The following ZBTB37 variants were observed in gnomAD, a reference collection of about 807,000 sequenced individuals.
The protein encoded by ZBTB37 is zinc finger and BTB domain containing 37.
Under a neutral mutation model 37.7 loss-of-function variants are expected in ZBTB37, and 15 were observed. That is an observed-to-expected ratio of 0.40 (90% CI 0.27 to 0.61). The LOEUF (loss-of-function observed/expected upper bound fraction) is 0.61, where lower values mean the gene tolerates loss of function less well. Among genes scored for constraint, ZBTB37 ranks in the 20% least tolerant of loss-of-function variants. The pLI is 0.44. For missense variants in ZBTB37, 514 were observed against 641.9 expected, an observed-to-expected ratio of 0.80 and a Z score of 2.15; for synonymous variants, 231 against 220.6, an observed-to-expected ratio of 1.05 and a Z score of -0.42.
At chr1:173,876,892 T>C (rs549744862) in intron 4 of ZBTB37, among the ~76,000 whole-genome samples, 59 of 152,280 alleles carry the variant, frequency 3.9e-4, no homozygotes, top group Non-Finnish European at 7.4e-4. Flanking sequence ...TGTGCAAATA[T>C]AGAGTATATT....
At chr1:173,901,739 A>C (rs1657268442) in exon 4 of ZBTB37, 1 of 152,198 alleles carries the variant, frequency 6.6e-6, no homozygotes. Context: ...ACATTGGAAG[A>C]ACATTTAGGT....
exon 4 of ZBTB37, chr1:173,902,174 G>A (rs757803359): frequency 2.0e-5 from 3 of 152,352 alleles, no homozygotes; most frequent in East Asian, 3.9e-4. Flanking sequence ...TGATGGTAGC[G>A]ATCAAATAAA....
intron 4 of ZBTB37, among the ~76,000 whole-genome samples, chr1:173,882,765 A>G (rs1333789700): frequency 6.6e-6 from 1 of 152,200 alleles, no homozygotes; most frequent in East Asian, 1.9e-4. Flanking sequence ...ATAAGGTGTA[A>G]GGAAGGGATC....
downstream of ZBTB37, chr1:173,891,112 A>G (rs953503601): frequency 6.6e-6 from 1 of 152,168 alleles, no homozygotes; most frequent in African/African-American, 2.4e-5. Flanking sequence ...CTTTAAAAGC[A>G]TTTAGAATTG....
chr1:173,881,325 G>A (rs1247804002), intron 4 of ZBTB37, among the ~76,000 whole-genome samples: 2 of 152,176 alleles, frequency 1.3e-5, no homozygotes, highest in African/African-American at 2.4e-5. Flanking sequence ...TGGTGTATAT[G>A]TGCCACATTT....
chr1:173,890,462 C>G (rs1281985775), downstream of ZBTB37: 3 of 151,962 alleles, frequency 2.0e-5, no homozygotes, highest in Non-Finnish European at 2.9e-5. Flanking sequence ...ATGTCCTTCC[C>G]CTTATCTGTG....
chr1:173,878,192 T>C (rs1656090804), intron 4 of ZBTB37, among the ~76,000 whole-genome samples: 1 of 152,250 alleles, frequency 6.6e-6, no homozygotes, highest in Non-Finnish European at 1.5e-5. Context: ...CAGTCCTCTT[T>C]GATTTTTCCT....
Position 173,895,811 on chromosome 1 carries a change from A to G in ZBTB37, c.*9687A>G, listed in dbSNP as rs1389480056. On this transcript the variant is annotated 3_prime_UTR_variant, in exon 4 of 4. Coordinates refer to the ZBTB37 transcript ENST00000367701. ...AGATGTGTCAGATTTAGGATGCCTT[A>G]TTTAAACTCGTGCTGTCTTACTAGA... 2.6e-5 allele frequency: 4 copies of G among 152,190 alleles called. No individual in the cohort carries two copies. The East Asian group carries it at 7.7e-4, about 29-fold the overall frequency. The allele number at this position is 152,190 out of a possible 1,614,324, so 9.4% of individuals were successfully genotyped here.
chr1:173,868,179 A>C (rs1655112952), upstream of ZBTB37: 1 of 156,388 alleles, frequency 6.4e-6, no homozygotes, highest in African/African-American at 2.4e-5. Flanking sequence ...GGGCAGAGAC[A>C]TGACCGTCCA....
intron 4 of ZBTB37, among the ~76,000 whole-genome samples, chr1:173,873,848 A>T (rs1433282703): frequency 6.6e-6 from 1 of 152,248 alleles, no homozygotes; most frequent in Non-Finnish European, 1.5e-5. Flanking sequence ...TTAACATTTT[A>T]AAATTAATCA....
chr1:173,874,932 G>T (rs146265956), intron 4 of ZBTB37, among the ~76,000 whole-genome samples: 1 of 151,806 alleles, frequency 6.6e-6, no homozygotes, highest in African/African-American at 2.4e-5. Flanking sequence ...GCTTGTGGGC[G>T]TGCAGGAAAA....
downstream of ZBTB37, chr1:173,887,248 T>C (rs1038809293): frequency 1.3e-5 from 2 of 152,230 alleles, no homozygotes; most frequent in Non-Finnish European, 2.9e-5. Flanking sequence ...CTTATACATA[T>C]GTAATAGTTT....
At chr1:173,901,388 TA>T (rs1369609669) in exon 4 of ZBTB37, 2 of 151,232 alleles carry the variant, frequency 1.3e-5, no homozygotes, top group East Asian at 3.9e-4. Flanking sequence ...TAAGAAATCT[TA>T]AAGTTAGAAC....
chr1:173,874,298 C>G (rs1321949581), intron 4 of ZBTB37, among the ~76,000 whole-genome samples: 1 of 150,068 alleles, frequency 6.7e-6, no homozygotes, highest in East Asian at 2.0e-4. Flanking sequence ...CTTTCTTAAT[C>G]TGATTGAAAG....
chr1:173,876,735 G>C (rs1655991474), intron 4 of ZBTB37, among the ~76,000 whole-genome samples: 1 of 152,156 alleles, frequency 6.6e-6, no homozygotes, highest in Non-Finnish European at 1.5e-5. Flanking sequence ...TTGGAGGAAA[G>C]GTAATTTGGC....
chr1:173,893,645 G>A (rs1656937306), exon 4 of ZBTB37: 1 of 152,174 alleles, frequency 6.6e-6, no homozygotes. Flanking sequence ...AATACTATGA[G>A]GTAATAACAG....
intron 4 of ZBTB37, 78 bp downstream of exon 4, chr1:173,873,644 GA>G: frequency 1.3e-6 from 2 of 1,583,288 alleles, no homozygotes; most frequent in Non-Finnish European, 1.7e-6. Flanking sequence ...TAATGAAAAA[GA>G]AAAGATGTAG....
At chr1:173,874,696 C>T (rs72711417) in intron 4 of ZBTB37, among the ~76,000 whole-genome samples, 77 of 152,264 alleles carry the variant, frequency 5.1e-4, no homozygotes, top group Non-Finnish European at 9.7e-4. Context: ...TTATTGAAAG[C>T]TTCCTTCGTG....
exon 4 of ZBTB37, chr1:173,896,667 A>G (rs1445902832): frequency 6.6e-6 from 1 of 152,250 alleles, no homozygotes; most frequent in Non-Finnish European, 1.5e-5. Flanking sequence ...AAGCTAATAC[A>G]ACAACCTGAG....
Sources: gnomAD v4.1 joint callset for allele counts (sites outside exome capture counted in the v4.1 genomes callset) on GRCh38, gnomAD v4.1.1 for gene constraint, MANE v1.5 for transcripts, NCBI Gene and HGNC (gene_info 2026-07-23, HGNC 2026-07-21) for gene names.